The following MAMLD1 variants were observed in gnomAD, a reference collection of about 807,000 sequenced individuals.
MAMLD1 encodes the protein mastermind-like domain-containing protein 1.
A neutral mutation model predicts 45.0 loss-of-function variants in MAMLD1; 14 were observed. The observed-to-expected ratio is 0.31, with a 90% confidence interval of 0.21 to 0.49. MAMLD1 has a LOEUF of 0.49. MAMLD1 is among the 20% of genes least tolerant of loss of function. The pLI, the probability that MAMLD1 is intolerant of heterozygous loss-of-function variation, is 0.99. For missense variants in MAMLD1, 543 were observed against 603.6 expected (o/e 0.90, Z 1.05); for synonymous variants, 254 against 247.8 (o/e 1.02, Z -0.24).
At chrX:150,412,678 C>A (rs183783419) in intron 1 of MAMLD1, among the ~76,000 whole-genome samples, 9 of 110,682 alleles carry the variant, frequency 8.1e-5, no homozygotes, top group Non-Finnish European at 1.5e-4. Context: ...CCGCCCCATC[C>A]ATAAACAGCC....
At chrX:150,398,296 G>GAAGAAC (rs1569564560) in intron 1 of MAMLD1, among the ~76,000 whole-genome samples, 3 of 90,384 alleles carry the variant, frequency 3.3e-5, no homozygotes, top group African/African-American at 1.3e-4. Flanking sequence ...AGAAGAAGAA[G>GAAGAAC]AAGAAGAAGA....
intron 6 of MAMLD1, among the ~76,000 whole-genome samples, chrX:150,505,604 A>G (rs962876079): frequency 1.8e-5 from 2 of 111,580 alleles, no homozygotes; most frequent in Non-Finnish European, 3.8e-5. Flanking sequence ...ATTCTGGGCA[A>G]CGCAAAAGGG....
chrX:150,504,693 A>C, intron 6 of MAMLD1: 1 of 751,196 alleles, frequency 1.3e-6, no homozygotes, highest in Non-Finnish European at 1.6e-6. Flanking sequence ...GATATCAGCT[A>C]GCTTGCCTTG....
intron 1 of MAMLD1, among the ~76,000 whole-genome samples, chrX:150,401,266 T>C (rs2033745793): frequency 9.3e-6 from 1 of 107,716 alleles, no homozygotes; most frequent in Admixed American, 1.0e-4. Context: ...AGCATTCTTA[T>C]ACACCAACAA....
intron 1 of MAMLD1, among the ~76,000 whole-genome samples, chrX:150,430,227 G>T (rs1557403995): frequency 9.2e-6 from 1 of 108,912 alleles, no homozygotes; most frequent in African/African-American, 3.3e-5. Flanking sequence ...TGTTGGCCAG[G>T]CTGGTCTTGA....
intron 3 of MAMLD1, among the ~76,000 whole-genome samples, chrX:150,467,825 T>A (rs1000936857): frequency 8.9e-6 from 1 of 111,862 alleles, no homozygotes; most frequent in Admixed American, 9.4e-5. Context: ...CCTCTCTGTC[T>A]TTAAGAAGGG....
At chrX:150,361,826 C>T (rs1195199844), upstream of MAMLD1, 1 of 112,763 alleles carries the variant, frequency 8.9e-6, no homozygotes, top group African/African-American at 3.2e-5. Flanking sequence ...GGCGCGCTGG[C>T]CCGCCCGGCA....
At chrX:150,432,614 C>A (rs1465695690) in intron 1 of MAMLD1, among the ~76,000 whole-genome samples, 1 of 112,024 alleles carries the variant, frequency 8.9e-6, no homozygotes, top group African/African-American at 3.2e-5. Flanking sequence ...AGGAAGGGGT[C>A]AAGTTTCAAT....
chrX:150,440,856 T>A (rs1224407762), intron 1 of MAMLD1, among the ~76,000 whole-genome samples: 1 of 105,001 alleles, frequency 9.5e-6, no homozygotes, highest in Non-Finnish European at 1.9e-5. Flanking sequence ...TAAATTATTA[T>A]TTATTTAATA....
intron 1 of MAMLD1, among the ~76,000 whole-genome samples, chrX:150,413,553 C>A (rs1399428770): frequency 9.1e-6 from 1 of 110,303 alleles, no homozygotes; most frequent in Non-Finnish European, 1.9e-5. Flanking sequence ...GAAGGCTCAT[C>A]ACACCAAGAA....
At chrX:150,402,302 C>T (rs1279014982) in intron 1 of MAMLD1, among the ~76,000 whole-genome samples, 4 of 107,812 alleles carry the variant, frequency 3.7e-5, no homozygotes, top group African/African-American at 1.4e-4. Flanking sequence ...ATTTATGCAG[C>T]CAAAAAACAC....
chrX:150,393,309 C>T (rs1220018790), intron 1 of MAMLD1, among the ~76,000 whole-genome samples: 4 of 111,943 alleles, frequency 3.6e-5, no homozygotes, highest in African/African-American at 1.3e-4. Flanking sequence ...AATAATATTC[C>T]ATTGCCTGGA....
intron 1 of MAMLD1, among the ~76,000 whole-genome samples, chrX:150,428,621 C>G (rs1030649128): frequency 8.9e-6 from 1 of 112,137 alleles, no homozygotes; most frequent in Non-Finnish European, 1.9e-5. Flanking sequence ...GAAAGGTCTG[C>G]TTAAGGGCTA....
At chrX:150,363,916 G>T (rs1427592846) in intron 1 of MAMLD1, among the ~76,000 whole-genome samples, 1 of 113,296 alleles carries the variant, frequency 8.8e-6, no homozygotes, top group African/African-American at 3.2e-5. Flanking sequence ...TGCAGCCTGG[G>T]TGTCACCGGC....
At position 150,398,338 on chromosome X, in the gene MAMLD1, GAAGA is replaced by G. The variant is rs1569564629; in HGVS notation, c.-64+34809_-64+34812del. The stretch of plus-strand genomic sequence containing the variant: ...AGAAGAAGAAGAAGAAGAAGAAGAA[GAAGA>G]GGAAGAGGAAGAGGAAGAGGAAGAG... On this transcript the variant is annotated intron_variant, in intron 1 of 7. Coordinates refer to ENST00000370401, the MANE Select transcript of MAMLD1 (RefSeq NM_005491.5). 6.1e-3 allele frequency among the ~76,000 whole-genome samples: 411 copies of G among 67,482 alleles called. 1 individual carries two copies. Among genetic ancestry groups the G allele is most frequent in the Non-Finnish European group, 9.6e-3 (323 of 33,638 alleles). The allele number at this position is 67,482 out of a possible 115,157, so 58.6% of individuals were successfully genotyped here.
intron 1 of MAMLD1, among the ~76,000 whole-genome samples, chrX:150,405,784 A>AG (rs1359200734): frequency 9.0e-6 from 1 of 111,262 alleles, no homozygotes; most frequent in Non-Finnish European, 1.9e-5. Flanking sequence ...CACCTTACAG[A>AG]GGCCCCCTGC....
chrX:150,437,751 C>T (rs2035168261), intron 1 of MAMLD1, among the ~76,000 whole-genome samples: 2 of 111,895 alleles, frequency 1.8e-5, no homozygotes, highest in African/African-American at 6.5e-5. Flanking sequence ...AATGATCATA[C>T]AATATCACAA....
intron 1 of MAMLD1, among the ~76,000 whole-genome samples, chrX:150,428,936 A>G (rs1162538147): frequency 4.5e-5 from 5 of 111,924 alleles, no homozygotes; most frequent in Non-Finnish European, 7.5e-5. Flanking sequence ...GGGGGAAGGC[A>G]TAAAATCAAT....
Position 150,471,323 on chromosome X carries a change from G to A in MAMLD1, c.1750G>A (p.Ala584Thr), listed in dbSNP as rs1396137430. ...GCCGACACCAACGCAGGCCTCCTCAGCCACTGCCTCCTCCACGGCCACTGC... is the reference window on the plus strand; with the variant it reads ...GCCGACACCAACGCAGGCCTCCTCAACCACTGCCTCCTCCACGGCCACTGC... ...QQPTPTQASS[A>T]TASSTATATL... The change falls in exon 4 of 8, where the codon GCC becomes ACC. Residue 584 changes from alanine (A) to threonine (T), a missense_variant. Physicochemically the swap from Ala to Thr is moderately conservative, Grantham distance 58. Coordinates refer to ENST00000370401, the MANE Select transcript of MAMLD1 (RefSeq NM_005491.5). 1 of 1,210,133 alleles carries A rather than the reference G, an allele frequency of 8.3e-7. No homozygotes were observed. Among genetic ancestry groups the A allele is most frequent in the Non-Finnish European group, 1.1e-6 (1 of 895,103 alleles).
Sources: allele counts gnomAD v4.1 joint callset (sites outside exome capture counted in the v4.1 genomes callset), GRCh38; gene constraint gnomAD v4.1.1; transcripts MANE v1.5; gene names NCBI Gene and HGNC (gene_info 2026-07-23, HGNC 2026-07-21).